PCDH15: variants seen among roughly 807,000 people sequenced by gnomAD.
PCDH15 encodes the protein protocadherin related 15.
PCDH15 carries 129 observed loss-of-function variants against 178.5 expected under a neutral mutation model. The observed-to-expected ratio is 0.72, with a 90% CI of 0.63 to 0.84. The LOEUF is 0.84. PCDH15 is among the 40% of genes least tolerant of loss of function. The pLI is 0.00. For synonymous variants in PCDH15, 800 were observed against 732.0 expected (o/e 1.09, Z -1.50); for missense variants, 2,230 against 2,099.9 (o/e 1.06, Z -1.21).
At chr10:55,158,062 A>ATGTGTGTGTGTG (rs372901080) in intron 2 of PCDH15, among the ~76,000 whole-genome samples, 36 of 128,906 alleles carry the variant, frequency 2.8e-4, no homozygotes, top group Non-Finnish European at 3.7e-4. Flanking sequence ...TCACACAAAT[A>ATGTGTGTGTGTG]TGTGTGTATG....
intron 3 of PCDH15, among the ~76,000 whole-genome samples, chr10:54,508,658 C>A (rs1447030793): frequency 2.0e-5 from 3 of 152,080 alleles, no homozygotes; most frequent in Non-Finnish European, 4.4e-5. Context: ...GGGTGTTCAT[C>A]ATTTATGTAC....
intron 9 of PCDH15, among the ~76,000 whole-genome samples, chr10:54,227,942 T>A (rs530284980): frequency 6.6e-6 from 1 of 152,226 alleles, no homozygotes; most frequent in Middle Eastern, 3.4e-3. Context: ...CTCAGCCTGG[T>A]TTTCATCATT....
At chr10:54,512,104 C>A (rs2081732685) in intron 3 of PCDH15, among the ~76,000 whole-genome samples, 1 of 151,996 alleles carries the variant, frequency 6.6e-6, no homozygotes, top group South Asian at 2.1e-4. Context: ...AGAGAAAATT[C>A]AAAACACCCC....
chr10:55,079,898 TA>T (rs951483171), intron 2 of PCDH15, among the ~76,000 whole-genome samples: 19 of 152,038 alleles, frequency 1.2e-4, no homozygotes, highest in African/African-American at 4.3e-4. Flanking sequence ...GAGGGACTGG[TA>T]AAGATAAACT....
chr10:53,940,293 C>A (rs1388848417), intron 24 of PCDH15, among the ~76,000 whole-genome samples: 1 of 152,060 alleles, frequency 6.6e-6, no homozygotes, highest in Non-Finnish European at 1.5e-5. Context: ...CCTGCAAATT[C>A]CTATGATTCT....
chr10:54,374,243 A>T (rs1018019424), intron 4 of PCDH15, among the ~76,000 whole-genome samples: 2 of 152,044 alleles, frequency 1.3e-5, no homozygotes, highest in African/African-American at 4.8e-5. Context: ...AAACTACTAA[A>T]CTTAGCAGTT....
intron 2 of PCDH15, among the ~76,000 whole-genome samples, chr10:55,139,183 G>A (rs1386655514): frequency 6.6e-6 from 1 of 151,772 alleles, no homozygotes; most frequent in African/African-American, 2.4e-5. Flanking sequence ...TAAATCTTGA[G>A]TTTTTAGAGG....
At chr10:54,921,132 C>A (rs1837476070) in intron 2 of PCDH15, among the ~76,000 whole-genome samples, 1 of 152,022 alleles carries the variant, frequency 6.6e-6, no homozygotes, top group Non-Finnish European at 1.5e-5. Flanking sequence ...AGACTCTTAT[C>A]CATAACCTAG....
chr10:54,409,993 A>G (rs1463315567), intron 3 of PCDH15, among the ~76,000 whole-genome samples: 1 of 152,180 alleles, frequency 6.6e-6, no homozygotes, highest in East Asian at 1.9e-4. Flanking sequence ...CCCAGTCCAC[A>G]GTATTCTGTT....
At chr10:53,957,775 GCAAAGAATTGGAATCCAATC>G (rs1237489438) in intron 23 of PCDH15, among the ~76,000 whole-genome samples, 22 of 151,464 alleles carry the variant, frequency 1.5e-4, no homozygotes, top group South Asian at 4.2e-4. Context: ...GTATTCCATA[GCAAAGAATTGGAATCCAATC>G]CAAAGGATTG....
At position 55,585,871 on chromosome 10, in the gene PCDH15, C is replaced by A. The variant is rs574260125; in HGVS notation, c.-156+41754G>T. Among the ~76,000 whole-genome samples, 60 of 152,112 alleles carry A rather than the reference C, an allele frequency of 3.9e-4. 1 individual carries two copies. The highest frequency in any genetic ancestry group is 1.3e-3 in the African/African-American group (56 of 41,494). The stretch of plus-strand genomic sequence containing the variant: ...AGGATAATTTGCTTGTCAAATTATA[C>A]ATAGAACTACTGTTCTGCCAGGCAA... On this transcript the variant is annotated intron_variant, in intron 2 of 5. Coordinates refer to the PCDH15 transcript ENST00000613346.
chr10:54,383,984 AATTTTTTTTT>A (rs1949599822), intron 3 of PCDH15, among the ~76,000 whole-genome samples: 1 of 81,184 alleles, frequency 1.2e-5, no homozygotes. Flanking sequence ...ACAAACAGTT[AATTTTTTTTT>A]TTTTTTTTTT....
At chr10:55,507,747 C>CCA (rs1840791753) in intron 2 of PCDH15, among the ~76,000 whole-genome samples, 1 of 151,306 alleles carries the variant, frequency 6.6e-6, no homozygotes, top group African/African-American at 2.4e-5. Flanking sequence ...AACTCAGGGT[C>CCA]CACAAATATC....
chr10:55,166,923 G>T lies in PCDH15; in HGVS notation c.-155-272C>A, dbSNP rs1248560451. Among the ~76,000 whole-genome samples the T allele has an allele frequency of 2.6e-5, 4 of 152,044 alleles. No homozygotes were observed. In the East Asian group the frequency reaches 7.7e-4, roughly 29 times the overall value. On this transcript the variant is annotated intron_variant, in intron 1 of 5. Coordinates refer to the PCDH15 transcript ENST00000458638. ...AGGTTATATTCTTTACCCAGGAAATGAAAAACCACTTCCACCTGCATATTT... is the reference window on the plus strand; with the variant it reads ...AGGTTATATTCTTTACCCAGGAAATTAAAAACCACTTCCACCTGCATATTT...
chr10:54,715,403 G>T (rs575795473), intron 1 of PCDH15, among the ~76,000 whole-genome samples: 1 of 152,178 alleles, frequency 6.6e-6, no homozygotes, highest in South Asian at 2.1e-4. Context: ...CGGGTTAGAG[G>T]CTGTTAGCAT....
At chr10:55,015,787 T>C (rs887339353) in intron 2 of PCDH15, among the ~76,000 whole-genome samples, 1 of 152,068 alleles carries the variant, frequency 6.6e-6, no homozygotes, top group Non-Finnish European at 1.5e-5. Context: ...TTGTTTTATG[T>C]CCCCTGAACC....
rs1839228755 is a variant in PCDH15, at chr10:55,442,862, G to A, written c.-156+184763C>T. On this transcript the variant is annotated intron_variant, in intron 2 of 5. Coordinates refer to the PCDH15 transcript ENST00000613346. Reference sequence around the variant, plus strand: ...GGTGCCCACCAAAAGCAAGTTTAGTGATAATTGTGTATCACGTTTTGTCCC... The same window carrying A: ...GGTGCCCACCAAAAGCAAGTTTAGTAATAATTGTGTATCACGTTTTGTCCC... Among the ~76,000 whole-genome samples the A allele has an allele frequency of 5.3e-5, 8 of 152,084 alleles. No individual in the cohort carries two copies. In the South Asian group the frequency reaches 1.7e-3, roughly 32 times the overall value.
chr10:55,144,824 AATG>A (rs2132092961), intron 2 of PCDH15, among the ~76,000 whole-genome samples: 1 of 144,094 alleles, frequency 6.9e-6, no homozygotes, highest in Non-Finnish European at 1.6e-5. Context: ...ATACTTTTTA[AATG>A]ATTTTTTATT....
chr10:54,853,561 C>A (rs553052987), intron 3 of PCDH15, among the ~76,000 whole-genome samples: 2 of 150,532 alleles, frequency 1.3e-5, no homozygotes, highest in African/African-American at 4.9e-5. Flanking sequence ...CACCAGCCCA[C>A]TTCATGTGTG....
Sources: allele counts gnomAD v4.1 joint callset (sites outside exome capture counted in the v4.1 genomes callset), GRCh38; gene constraint gnomAD v4.1.1; transcripts MANE v1.5; gene names NCBI Gene and HGNC (gene_info 2026-07-23, HGNC 2026-07-21).